Variants in SPATA33 observed in about 807,000 individuals in gnomAD.
SPATA33 encodes the protein spermatogenesis-associated protein 33.
Under a neutral mutation model 8.9 loss-of-function variants are expected in SPATA33, and 10 were observed. That is an observed-to-expected ratio of 1.12 (90% CI 0.69 to 1.90). The LOEUF (loss-of-function observed/expected upper bound fraction) is 1.90, where lower values mean the gene tolerates loss of function less well. Ranked by LOEUF, SPATA33 falls within the 40% of genes most tolerant of loss-of-function variation. SPATA33 has a pLI of 0.00. For synonymous variants in SPATA33, 96 were observed against 72.8 expected, an observed-to-expected ratio of 1.32 and a Z score of -1.63; for missense variants, 241 against 178.3, an observed-to-expected ratio of 1.35 and a Z score of -2.00.
chr16:89,667,572 AG>A (rs530751815), intron 2 of SPATA33, among the ~76,000 whole-genome samples: 3 of 152,290 alleles, frequency 2.0e-5, no homozygotes, highest in Non-Finnish European at 4.4e-5. Flanking sequence ...CTGAAGTGGG[AG>A]GATCATTTGA....
At chr16:89,665,180 A>T (rs1567492020) in intron 2 of SPATA33, among the ~76,000 whole-genome samples, 1 of 152,116 alleles carries the variant, frequency 6.6e-6, no homozygotes, top group Non-Finnish European at 1.5e-5. Context: ...GTTTTTGTAG[A>T]GATGCGGTTT....
At chr16:89,658,650 C>G in intron 2 of SPATA33, 1 of 603,950 alleles carries the variant, frequency 1.7e-6, no homozygotes, top group Non-Finnish European at 2.8e-6. Context: ...GTGATAAGTG[C>G]GTACCAGGTG....
intron 2 of SPATA33, chr16:89,660,425 G>T: frequency 8.2e-7 from 1 of 1,223,388 alleles, no homozygotes; most frequent in Non-Finnish European, 1.0e-6. Flanking sequence ...GGCCCCAGCA[G>T]TGTCTGTCAC....
intron 2 of SPATA33, among the ~76,000 whole-genome samples, chr16:89,661,854 A>G (rs1308673402): frequency 1.3e-5 from 2 of 152,280 alleles, no homozygotes; most frequent in East Asian, 3.9e-4. Flanking sequence ...CACTCCTGAG[A>G]CAGTCAGATT....
At chr16:89,663,147 A>G (rs1466317165) in intron 2 of SPATA33, among the ~76,000 whole-genome samples, 1 of 152,006 alleles carries the variant, frequency 6.6e-6, no homozygotes, top group Non-Finnish European at 1.5e-5. Context: ...TTTGAAAAAG[A>G]AGAGAAATGG....
At chr16:89,658,502 C>T (rs1230638279) in intron 2 of SPATA33, 81 bp downstream of exon 2, 8 of 1,498,454 alleles carry the variant, frequency 5.3e-6, no homozygotes, top group Non-Finnish European at 6.2e-6. Flanking sequence ...ACTGTAAGAC[C>T]CTACCGGATG....
At chr16:89,658,684 G>A (rs2059921203) in intron 2 of SPATA33, 1 of 516,302 alleles carries the variant, frequency 1.9e-6, no homozygotes, top group Non-Finnish European at 3.5e-6. Flanking sequence ...GGCAGTGTGC[G>A]TGTGTCTCAC....
At chr16:89,669,168 A>AT in intron 2 of SPATA33, 118 bp from the exon 3 acceptor site, 4 of 941,768 alleles carry the variant, frequency 4.2e-6, no homozygotes, top group Non-Finnish European at 5.0e-6. Flanking sequence ...GGACTCACCC[A>AT]TTTTTTCTGC....
Position 89,669,547 on chromosome 16 carries a change from G to A in SPATA33, c.*50G>A. The A allele has an allele frequency of 6.3e-7, 1 of 1,576,442 alleles. No individual in the cohort carries two copies. ...CTACTCCCTGCGATAGGCGTCTCGG[G>A]AACAGCCGCCTCACCCTGTGAGAAG... On this transcript the variant is annotated 3_prime_UTR_variant, in exon 3 of 3. Coordinates refer to ENST00000579310, the MANE Select transcript of SPATA33 (RefSeq NM_001271907.2).
Position 89,669,552 on chromosome 16 carries a change from G to A in SPATA33, c.*55G>A. The A allele has an allele frequency of 6.4e-7, 1 of 1,568,086 alleles. No homozygotes were observed. Among genetic ancestry groups the A allele is most frequent in the Admixed American group, 1.7e-5 (1 of 58,352 alleles). Reference sequence around the variant, plus strand: ...CCCTGCGATAGGCGTCTCGGGAACAGCCGCCTCACCCTGTGAGAAGCCGAG... The same window carrying A: ...CCCTGCGATAGGCGTCTCGGGAACAACCGCCTCACCCTGTGAGAAGCCGAG... On this transcript the variant is annotated 3_prime_UTR_variant, in exon 3 of 3. Transcript: ENST00000579310.
At chr16:89,660,711 G>C in intron 2 of SPATA33, 3 of 744,418 alleles carry the variant, frequency 4.0e-6, no homozygotes, top group Non-Finnish European at 5.5e-6. Context: ...AAGCAGATGA[G>C]TGGTTGCTGG....
intron 2 of SPATA33, 156 bp downstream of exon 2, chr16:89,658,577 G>C: frequency 4.3e-6 from 4 of 928,666 alleles, no homozygotes; most frequent in Non-Finnish European, 6.3e-6. Context: ...TTATGTAGGA[G>C]GTAAATATCC....
At chr16:89,665,135 A>G (rs1406271501) in intron 2 of SPATA33, among the ~76,000 whole-genome samples, 4 of 151,586 alleles carry the variant, frequency 2.6e-5, no homozygotes, top group African/African-American at 2.4e-5. Flanking sequence ...AGCTGGGGCC[A>G]CAGTGCACGC....
chr16:89,665,985 G>T (rs1223910188), intron 2 of SPATA33, among the ~76,000 whole-genome samples: 1 of 152,148 alleles, frequency 6.6e-6, no homozygotes, highest in Non-Finnish European at 1.5e-5. Context: ...GGAGGCTGGG[G>T]CAGGAGAATC....
At chr16:89,660,361 G>T in intron 2 of SPATA33, 1 of 736,514 alleles carries the variant, frequency 1.4e-6, no homozygotes, top group Non-Finnish European at 1.9e-6. Flanking sequence ...CATGGGAGTG[G>T]GCAGGACCTC....
chr16:89,658,135 C>A (rs2059907459), intron 1 of SPATA33, 113 bp from the exon 2 acceptor site: 1 of 1,537,138 alleles, frequency 6.5e-7, no homozygotes, highest in Non-Finnish European at 8.7e-7. Context: ...AACGCGGAGA[C>A]TCGAGACTTG....
Position 89,669,713 on chromosome 16 carries a change from C to T in SPATA33, c.*216C>T. On this transcript the variant is annotated 3_prime_UTR_variant, in exon 3 of 3. Coordinates refer to ENST00000579310, the MANE Select transcript of SPATA33 (RefSeq NM_001271907.2). ...CCTTGTGAGAAGCCGTGGCCCCCTT[C>T]TCCAGTGCTCTCAGGGAGGGTGCAC... The T allele has an allele frequency of 3.5e-6, 2 of 576,506 alleles. No homozygotes were observed. Among genetic ancestry groups the T allele is most frequent in the South Asian group, 4.1e-5 (2 of 49,004 alleles). 35.7% of individuals were successfully genotyped at this position (576,506 alleles called of 1,614,324 possible).
At chr16:89,658,109 C>T in intron 1 of SPATA33, 139 bp from the exon 2 acceptor site, 1 of 1,501,526 alleles carries the variant, frequency 6.7e-7, no homozygotes, top group Non-Finnish European at 8.8e-7. Context: ...CGTTTCCCGC[C>T]TGAGGCGGTT....
At chr16:89,667,083 C>T (rs2060036209) in intron 2 of SPATA33, among the ~76,000 whole-genome samples, 1 of 152,164 alleles carries the variant, frequency 6.6e-6, no homozygotes, top group Non-Finnish European at 1.5e-5. Flanking sequence ...CTAAACTCCC[C>T]TGGGGAAAGG....
Sources: allele counts gnomAD v4.1 joint callset (sites outside exome capture counted in the v4.1 genomes callset), GRCh38; gene constraint gnomAD v4.1.1; transcripts MANE v1.5; gene names NCBI Gene and HGNC (gene_info 2026-07-23, HGNC 2026-07-21).